HMCN1: variants seen among roughly 807,000 people sequenced by gnomAD.
The protein encoded by HMCN1 is hemicentin 1.
Under a neutral mutation model 625.9 loss-of-function variants are expected in HMCN1, and 321 were observed. The ratio of observed to expected loss-of-function variants is 0.51; its 90% CI spans 0.47 to 0.56. The LOEUF is 0.56. Ranked by LOEUF, HMCN1 falls within the 20% of genes least tolerant of loss-of-function variation. The pLI, the probability that HMCN1 is intolerant of heterozygous loss-of-function variation, is 0.00. For missense variants in HMCN1, 6,588 were observed against 6,887.3 expected (o/e 0.96, Z 1.54); for synonymous variants, 2,425 against 2,417.6 (o/e 1.00, Z -0.09).
chr1:185,786,545 T>G (rs752902745), intron 1 of HMCN1, among the ~76,000 whole-genome samples: 6 of 152,190 alleles, frequency 3.9e-5, no homozygotes, highest in South Asian at 2.1e-4. Flanking sequence ...TTGATTTCCT[T>G]GGAAATCTGT....
intron 11 of HMCN1, among the ~76,000 whole-genome samples, chr1:185,955,710 C>G (rs1331911311): frequency 6.6e-6 from 1 of 152,100 alleles, no homozygotes; most frequent in Non-Finnish European, 1.5e-5. Flanking sequence ...TGCTCTTGTC[C>G]TGTCTTTGGC....
chr1:186,085,663 C>T (rs577566039), intron 57 of HMCN1, among the ~76,000 whole-genome samples: 1 of 152,130 alleles, frequency 6.6e-6, no homozygotes, highest in South Asian at 2.1e-4. Flanking sequence ...AAAGAGAAAG[C>T]ATATTCTAGA....
At chr1:185,800,027 G>T (rs1394504541) in intron 1 of HMCN1, among the ~76,000 whole-genome samples, 1 of 152,146 alleles carries the variant, frequency 6.6e-6, no homozygotes, top group African/African-American at 2.4e-5. Context: ...CAGTTCTCAG[G>T]CTACTGGGGC....
chr1:185,937,423 A>G (rs77255611), intron 11 of HMCN1, among the ~76,000 whole-genome samples: 2,056 of 152,266 alleles, frequency 0.014, 32 homozygotes, highest in African/African-American at 0.046. Context: ...AGCTTTTTTT[A>G]TAAGGGTATT....
chr1:186,182,044 A>G, intron 104 of HMCN1, 124 bp from the exon 105 acceptor site: 1 of 1,030,314 alleles, frequency 9.7e-7, no homozygotes, highest in South Asian at 1.3e-5. Flanking sequence ...ATTTTTTAAC[A>G]CATGAGTATA....
At chr1:185,919,553 C>T (rs975628042) in intron 6 of HMCN1, among the ~76,000 whole-genome samples, 1 of 152,162 alleles carries the variant, frequency 6.6e-6, no homozygotes, top group Non-Finnish European at 1.5e-5. Flanking sequence ...CTCCCCAGTA[C>T]ATTTCTCTGC....
intron 1 of HMCN1, among the ~76,000 whole-genome samples, chr1:185,775,570 GGGA>G (rs1656542266): frequency 6.6e-6 from 1 of 152,194 alleles, no homozygotes; most frequent in Non-Finnish European, 1.5e-5. Flanking sequence ...CCTATGGTTT[GGGA>G]GGAACATACT....
rs745950524 is a variant in HMCN1, at chr1:186,136,734, A to G, written c.13379A>G (p.Asn4460Ser). Residue 4460 changes from asparagine to serine, a missense_variant, in exon 87 of 107, where the codon AAT (asparagine) becomes AGT (serine). This residue lies in a region of HMCN1 where 1,954 missense variants were observed against 2,013.1 expected (regional missense o/e 0.97). Transcript: ENST00000271588. ...AATGCTGGTGGCAAAATCATATTGA[A>G]TTGTCAGGCAACTGGAGAGCCTCAA... ...VINAGGKIIL[N>S]CQATGEPQPT... is the part of the protein sequence containing the mutation. The G allele has an allele frequency of 3.1e-6, 5 of 1,613,882 alleles. No homozygotes were observed. In the African/African-American group the frequency reaches 6.7e-5, roughly 22 times the overall value.
At chr1:185,854,459 C>A (rs767900496) in intron 2 of HMCN1, among the ~76,000 whole-genome samples, 4 of 152,124 alleles carry the variant, frequency 2.6e-5, no homozygotes, top group Non-Finnish European at 5.9e-5. Context: ...GATTTTGTCA[C>A]CAGATGATAC....
In HMCN1 at chr1:186,016,167, C is replaced by T; in HGVS notation, c.5119C>T (p.Arg1707Ter). Residue 1707 changes from arginine to a stop codon, truncating the protein, a stop_gained, in exon 32 of 107, where the codon CGA becomes TGA. Coordinates refer to ENST00000271588, the MANE Select transcript of HMCN1 (RefSeq NM_031935.3). LOFTEE classifies it high-confidence loss of function. ...AATCATGAGTGCCCAAGAAATTGAT[C>T]GAGGACAGTACATATGCGTGGCTAC... ...LEIMSAQEID[R>*]GQYICVATSV... 6 of 1,613,292 alleles carry T rather than the reference C, an allele frequency of 3.7e-6. No individual in the cohort carries two copies. The highest frequency in any genetic ancestry group is 2.7e-5 in the African/African-American group (2 of 74,952).
intron 1 of HMCN1, among the ~76,000 whole-genome samples, chr1:185,739,848 T>C (rs970724529): frequency 2.6e-5 from 4 of 152,044 alleles, no homozygotes; most frequent in Non-Finnish European, 4.4e-5. Flanking sequence ...TTGAGGTGGA[T>C]TGAAGGTGTT....
rs954020972 is a variant in HMCN1 at position 186,087,805 on chromosome 1, T to C, written c.9364-127T>C. Reference sequence around the variant, plus strand: ...ACTATTTTTATAAAAAATAGCAAGATTGCAGAAGGCAATTAGAACTGGGGC... The same window carrying C: ...ACTATTTTTATAAAAAATAGCAAGACTGCAGAAGGCAATTAGAACTGGGGC... On this transcript the variant is annotated intron_variant, in intron 60 of 106. Transcript: ENST00000271588. The C allele has an allele frequency of 9.1e-5, 104 of 1,141,556 alleles. 1 individual carries two copies. In the African/African-American group the frequency reaches 1.1e-3, roughly 12 times the overall value. 70.7% of individuals were successfully genotyped at this position (1,141,556 alleles called of 1,614,324 possible).
chr1:185,896,377 A>G (rs1461244514), intron 4 of HMCN1, among the ~76,000 whole-genome samples: 1 of 151,014 alleles, frequency 6.6e-6, no homozygotes, highest in Non-Finnish European at 1.5e-5. Context: ...CATTATATGT[A>G]TAGTATAATA....
intron 1 of HMCN1, among the ~76,000 whole-genome samples, chr1:185,808,788 G>A (rs577073541): frequency 6.6e-5 from 10 of 152,158 alleles, no homozygotes; most frequent in East Asian, 3.9e-4. Flanking sequence ...TGTTTTCTTC[G>A]TGGCTCAATA....
rs200897962 is a variant in HMCN1, at chr1:185,925,167, C to A, written c.1406C>A (p.Thr469Lys). Residue 469 changes from threonine (T) to lysine (K), a missense_variant, in exon 9 of 107, where the codon ACA becomes AAA. Coordinates refer to ENST00000271588, the MANE Select transcript of HMCN1 (RefSeq NM_031935.3). ...FTLSFVRNGV[T>K]LGVDQYLKES... Reference sequence around the variant, plus strand: ...TTGAGCTTTGTCAGAAATGGAGTTACACTTGGAGTAGACCAGTATTTGAAG... The same window carrying A: ...TTGAGCTTTGTCAGAAATGGAGTTAAACTTGGAGTAGACCAGTATTTGAAG... 4.0e-5 allele frequency: 65 copies of A among 1,613,748 alleles called. No homozygotes were observed. The highest frequency in any genetic ancestry group is 2.2e-5 in the East Asian group (1 of 44,886).
chr1:186,178,780 A>C lies in HMCN1; in HGVS notation c.16294+14A>C. Reference sequence around the variant, plus strand: ...ACACATGTGTAGGTAAATGTCAGCCATATTACATTTCCTTTCTGTGGGCTC... The same window carrying C: ...ACACATGTGTAGGTAAATGTCAGCCCTATTACATTTCCTTTCTGTGGGCTC... On this transcript the variant is annotated intron_variant, in intron 104 of 106. Transcript: ENST00000271588. The C allele has an allele frequency of 6.5e-7, 1 of 1,535,114 alleles. No homozygotes were observed. Among genetic ancestry groups the C allele is most frequent in the South Asian group, 1.1e-5 (1 of 89,428 alleles).
At chr1:185,772,795 A>G (rs1272580498) in intron 1 of HMCN1, among the ~76,000 whole-genome samples, 1 of 152,122 alleles carries the variant, frequency 6.6e-6, no homozygotes, top group African/African-American at 2.4e-5. Flanking sequence ...TGGGAAGTCC[A>G]AGGTCAAGGT....
At chr1:185,967,890 CTG>C (rs1396549975) in intron 14 of HMCN1, among the ~76,000 whole-genome samples, 1 of 152,114 alleles carries the variant, frequency 6.6e-6, no homozygotes, top group Non-Finnish European at 1.5e-5. Context: ...AATGAACAAA[CTG>C]TATTCCATTC....
At position 185,987,520 on chromosome 1, in the gene HMCN1, C is replaced by A. The variant is rs1558120361; in HGVS notation, c.3024C>A (p.Pro1008=). The part of the protein sequence containing the change: ...VTLPCKASGN[P]KPSVIWSKKG... ...TACCATGCAAAGCAAGTGGAAATCC[C>A]AAACCGTCTGTCATCTGGTCCAAGG... Residue 1008 remains proline, a synonymous_variant, in exon 20 of 107, where the codon CCC becomes CCA. Transcript: ENST00000271588. The A allele has an allele frequency of 7.4e-6, 12 of 1,611,658 alleles. No individual in the cohort carries two copies. The highest frequency in any genetic ancestry group is 1.0e-5 in the Non-Finnish European group (12 of 1,177,790).
Sources: allele counts gnomAD v4.1 joint callset (sites outside exome capture counted in the v4.1 genomes callset), GRCh38; gene constraint gnomAD v4.1.1; regional missense constraint gnomAD v4.1.1; transcripts MANE v1.5; gene names NCBI Gene and HGNC (gene_info 2026-07-23, HGNC 2026-07-21).